The following JADE3 variants were observed in gnomAD, a reference collection of about 807,000 sequenced individuals.
JADE3 encodes jade family PHD finger 3, also known as protein Jade-3.
Under a neutral mutation model 50.1 loss-of-function variants are expected in JADE3, and 2 were observed. The ratio of observed to expected loss-of-function variants is 0.04; its 90% CI spans 0.02 to 0.13. The LOEUF (loss-of-function observed/expected upper bound fraction) is 0.13, where lower values mean the gene tolerates loss of function less well. Among genes scored for constraint, JADE3 ranks in the 10% least tolerant of loss-of-function variants. The pLI, the probability that JADE3 is intolerant of heterozygous loss-of-function variation, is 1.00. For synonymous variants in JADE3, 218 were observed against 232.9 expected, an observed-to-expected ratio of 0.94 and a Z score of 0.58; for missense variants, 475 against 634.4, an observed-to-expected ratio of 0.75 and a Z score of 2.70.
chrX:46,999,656 A>C (rs1160566457), intron 4 of JADE3, among the ~76,000 whole-genome samples: 1 of 109,468 alleles, frequency 9.1e-6, no homozygotes, highest in Non-Finnish European at 1.9e-5. Context: ...CATTTGCATT[A>C]GACCTGAGAA....
intron 3 of JADE3, among the ~76,000 whole-genome samples, chrX:46,995,276 G>A (rs1244415165): frequency 1.2e-4 from 13 of 110,955 alleles, no homozygotes; most frequent in African/African-American, 3.9e-4. Flanking sequence ...TAATCCACCC[G>A]CCTTGGCCTC....
rs1221628668 is a variant in JADE3 at position 47,026,323 on chromosome X, A to G, written c.475+1409A>G. On this transcript the variant is annotated intron_variant, in intron 5 of 10. Coordinates refer to ENST00000614628, the MANE Select transcript of JADE3 (RefSeq NM_014735.5). ...TTTTAAATAAACTTTTTATTTTGGA[A>G]TAGTTTGATTTACAGAAAAGTTGCA... Among the ~76,000 whole-genome samples, 3 of 111,951 alleles carry G rather than the reference A, an allele frequency of 2.7e-5. No individual in the cohort carries two copies. In the East Asian group the frequency reaches 8.3e-4, roughly 31 times the overall value.
chrX:46,929,318 C>A (rs189805577), intron 1 of JADE3, among the ~76,000 whole-genome samples: 1 of 112,204 alleles, frequency 8.9e-6, no homozygotes, highest in African/African-American at 3.2e-5. Flanking sequence ...CCAGAAGAAA[C>A]TTTTTTCTTT....
intron 1 of JADE3, among the ~76,000 whole-genome samples, chrX:46,983,302 G>C (rs1927795828): frequency 9.0e-6 from 1 of 111,338 alleles, no homozygotes; most frequent in Non-Finnish European, 1.9e-5. Flanking sequence ...AGTGGATGGA[G>C]ATAAATGGTG....
At chrX:46,954,830 T>C (rs1268790293) in intron 1 of JADE3, among the ~76,000 whole-genome samples, 2 of 112,243 alleles carry the variant, frequency 1.8e-5, no homozygotes, top group East Asian at 5.6e-4. Context: ...GCTAGGATTA[T>C]AGGTGTGAGC....
At chrX:47,056,332 C>T in intron 10 of JADE3, 133 bp downstream of exon 10, 1 of 419,813 alleles carries the variant, frequency 2.4e-6, no homozygotes, top group Non-Finnish European at 4.2e-6. Context: ...TCATTTGCTT[C>T]AGTCTAATCT....
intron 4 of JADE3, among the ~76,000 whole-genome samples, chrX:47,013,963 C>T (rs1330037027): frequency 1.8e-5 from 2 of 112,159 alleles, no homozygotes; most frequent in Non-Finnish European, 3.8e-5. Context: ...TTACTCTTGA[C>T]TGACCCACTT....
chrX:46,934,113 G>T (rs1382384483), intron 1 of JADE3, among the ~76,000 whole-genome samples: 1 of 111,173 alleles, frequency 9.0e-6, no homozygotes, highest in Non-Finnish European at 1.9e-5. Flanking sequence ...TTGTCTTAAT[G>T]GTGTCATTCA....
intron 1 of JADE3, among the ~76,000 whole-genome samples, chrX:46,932,590 C>T (rs1007355169): frequency 8.9e-6 from 1 of 111,861 alleles, no homozygotes; most frequent in African/African-American, 3.2e-5. Flanking sequence ...AATTATATTT[C>T]GATACCCAAA....
At chrX:46,978,846 A>T (rs1462720656) in intron 1 of JADE3, among the ~76,000 whole-genome samples, 2 of 111,985 alleles carry the variant, frequency 1.8e-5, no homozygotes, top group African/African-American at 3.3e-5. Context: ...CAATTTCCTC[A>T]TCTGTAAAAT....
chrX:47,032,693 A>G (rs1488571207), intron 6 of JADE3, among the ~76,000 whole-genome samples: 4 of 111,208 alleles, frequency 3.6e-5, no homozygotes, highest in African/African-American at 1.3e-4. Context: ...TGAGTAATAC[A>G]AGTCTAGGAA....
At chrX:46,957,152 T>A (rs1927144570) in intron 1 of JADE3, among the ~76,000 whole-genome samples, 1 of 111,274 alleles carries the variant, frequency 9.0e-6, no homozygotes, top group African/African-American at 3.3e-5. Context: ...ACAGAAATGC[T>A]TATTTCTCCT....
At chrX:46,992,913 G>T (rs782032762) in intron 3 of JADE3, among the ~76,000 whole-genome samples, 24 of 111,467 alleles carry the variant, frequency 2.2e-4, no homozygotes, top group African/African-American at 7.8e-4. Flanking sequence ...GTACCTTCTG[G>T]AAATTGTATA....
intron 4 of JADE3, among the ~76,000 whole-genome samples, chrX:47,002,558 A>G (rs1203903085): frequency 9.1e-6 from 1 of 110,322 alleles, no homozygotes; most frequent in Non-Finnish European, 1.9e-5. Context: ...TAATGGTATT[A>G]TATTTATAAT....
chrX:47,016,719 T>C (rs1556363001), intron 4 of JADE3, among the ~76,000 whole-genome samples: 1 of 107,769 alleles, frequency 9.3e-6, no homozygotes, highest in African/African-American at 3.4e-5. Flanking sequence ...CAGATCTTGC[T>C]ATGTTGCTCA....
intron 5 of JADE3, among the ~76,000 whole-genome samples, chrX:47,027,341 G>C (rs1382084486): frequency 8.9e-6 from 1 of 111,976 alleles, no homozygotes; most frequent in Non-Finnish European, 1.9e-5. Flanking sequence ...AGTCATATTT[G>C]AAAAACAAAA....
At chrX:47,022,832 C>G (rs1018879315) in intron 4 of JADE3, among the ~76,000 whole-genome samples, 16 of 110,563 alleles carry the variant, frequency 1.4e-4, no homozygotes, top group African/African-American at 4.3e-4. Flanking sequence ...TCTCTGGTTT[C>G]CTTGCCTTGA....
chrX:46,994,732 A>G (rs1321818966), intron 3 of JADE3, among the ~76,000 whole-genome samples: 1 of 111,885 alleles, frequency 8.9e-6, no homozygotes, highest in Non-Finnish European at 1.9e-5. Context: ...TTTGTGGACT[A>G]TAGAGAAGAA....
chrX:47,047,514 A>G (rs972874204), intron 8 of JADE3, among the ~76,000 whole-genome samples: 1 of 108,722 alleles, frequency 9.2e-6, no homozygotes, highest in African/African-American at 3.4e-5. Context: ...GCACCATTGC[A>G]CTCCAGCCTG....
Sources: gnomAD v4.1 joint callset for allele counts (sites outside exome capture counted in the v4.1 genomes callset) on GRCh38, gnomAD v4.1.1 for gene constraint, MANE v1.5 for transcripts, NCBI Gene and HGNC (gene_info 2026-07-23, HGNC 2026-07-21) for gene names.